Variants in PCSK6 observed in about 807,000 individuals in gnomAD.
PCSK6 encodes paired basic amino acid cleaving enzyme 4.
Under a neutral mutation model 123.3 loss-of-function variants are expected in PCSK6, and 85 were observed. That is an observed-to-expected ratio of 0.69 (90% CI 0.58 to 0.83). PCSK6 has a LOEUF of 0.83. Ranked by LOEUF, PCSK6 falls within the 40% of genes least tolerant of loss-of-function variation. PCSK6 has a pLI of 0.00. For missense variants in PCSK6, 1,191 were observed against 1,282.3 expected (o/e 0.93, Z 1.09); for synonymous variants, 508 against 516.0 (o/e 0.98, Z 0.21).
At chr15:101,358,265 G>A (rs1426663886) in intron 13 of PCSK6, among the ~76,000 whole-genome samples, 2 of 152,154 alleles carry the variant, frequency 1.3e-5, no homozygotes, top group African/African-American at 2.4e-5. Context: ...TGGGGCAGTC[G>A]CCATCTCCTA....
Position 101,429,951 on chromosome 15 carries a change from G to A in PCSK6, c.734+36C>T, listed in dbSNP as rs745440088. The A allele has an allele frequency of 1.0e-5, 16 of 1,535,266 alleles. No individual in the cohort carries two copies. In the South Asian group the frequency reaches 1.8e-4, roughly 17 times the overall value. On this transcript the variant is annotated intron_variant, in intron 5 of 21. Transcript: ENST00000611716. Reference sequence around the variant, plus strand: ...TTCAATAGTGACGCTGCAGGGAGGGGAAGAGAAGCCGGGGAGATGAGGCGA... The same window carrying A: ...TTCAATAGTGACGCTGCAGGGAGGGAAAGAGAAGCCGGGGAGATGAGGCGA...
chr15:101,427,940 T>G lies in PCSK6; in HGVS notation c.775A>C (p.Asn259His). Reference protein sequence around the residue: ...RCAGEVAASANNSYCIVGIAY... With the variant: ...RCAGEVAASAHNSYCIVGIAY... ...ATGCCCACGATGCAGTAGGAATTGT[T>G]TGCTGAAGCAGCAACTTCTCCCGCA... Residue 259 changes from asparagine to histidine, a missense_variant, in exon 6 of 22, where the codon AAC becomes CAC. Physicochemically the swap from Asn to His is moderately conservative, Grantham distance 68. Coordinates refer to ENST00000611716, the MANE Select transcript of PCSK6 (RefSeq NM_002570.5). 1 of 1,588,980 alleles carries G rather than the reference T, an allele frequency of 6.3e-7. No homozygotes were observed. Among genetic ancestry groups the G allele is most frequent in the Middle Eastern group, 1.7e-4 (1 of 6,040 alleles).
chr15:101,399,396 C>T lies in PCSK6; in HGVS notation c.824-820G>A, dbSNP rs138297888. ...TGGAGGGGACTGGGGTCTTGGACTTCGCTGGCCAGCTCATCTCCATTTGGG... is the reference window on the plus strand; with the variant it reads ...TGGAGGGGACTGGGGTCTTGGACTTTGCTGGCCAGCTCATCTCCATTTGGG... On this transcript the variant is annotated intron_variant, in intron 6 of 21. Coordinates refer to ENST00000611716, the MANE Select transcript of PCSK6 (RefSeq NM_002570.5). Among the ~76,000 whole-genome samples the T allele has an allele frequency of 2.8e-3, 420 of 152,306 alleles. 4 individuals are homozygous for T. Among genetic ancestry groups the T allele is most frequent in the African/African-American group, 9.8e-3 (409 of 41,570 alleles).
chr15:101,416,791 CT>C (rs2055903193), intron 6 of PCSK6, among the ~76,000 whole-genome samples: 1 of 152,242 alleles, frequency 6.6e-6, no homozygotes, highest in Admixed American at 6.5e-5. Flanking sequence ...GCAACTTCCA[CT>C]TGTGTGTTGA....
chr15:101,305,185 G>T lies in PCSK6; in HGVS notation c.*73C>A. The T allele has an allele frequency of 7.8e-7, 1 of 1,286,090 alleles. No individual in the cohort carries two copies. The highest frequency in any genetic ancestry group is 1.1e-6 in the Non-Finnish European group (1 of 912,386). The allele number at this position is 1,286,090 out of a possible 1,614,324, so 79.7% of individuals were successfully genotyped here. On this transcript the variant is annotated 3_prime_UTR_variant, in exon 22 of 22. Transcript: ENST00000611716. This position sits in a 1 kb window ranked among gnomAD's most constrained non-coding sequence, Gnocchi z 4.8. ...GGGCGCCGCTCCTGAAACAGACTCT[G>T]GCCGACAGTCTGGAGGAAGGTGGAC... is the stretch of plus-strand genomic sequence containing the variant.
At chr15:101,318,211 T>C (rs1045515344) in intron 19 of PCSK6, 108 bp downstream of exon 19, 2 of 761,492 alleles carry the variant, frequency 2.6e-6, no homozygotes, top group Non-Finnish European at 4.4e-6. Flanking sequence ...ATTTTAATGC[T>C]GCAATAAATG....
At chr15:101,363,060 G>A (rs1380049169) in intron 13 of PCSK6, among the ~76,000 whole-genome samples, 1 of 152,220 alleles carries the variant, frequency 6.6e-6, no homozygotes, top group East Asian at 1.9e-4. Context: ...TGCCGGCTTT[G>A]CCATAAAGGG....
chr15:101,435,942 A>C (rs1373826699), intron 2 of PCSK6, among the ~76,000 whole-genome samples: 1 of 152,204 alleles, frequency 6.6e-6, no homozygotes, highest in Non-Finnish European at 1.5e-5. Context: ...AGCCATGGGC[A>C]GCCTTGGCCC....
At chr15:101,364,664 CTAAA>C (rs1231484239) in intron 13 of PCSK6, among the ~76,000 whole-genome samples, 1 of 152,144 alleles carries the variant, frequency 6.6e-6, no homozygotes, top group Non-Finnish European at 1.5e-5. Flanking sequence ...TAAAGAAGAG[CTAAA>C]TAAACAGAAA....
intron 20 of PCSK6, chr15:101,307,780 G>A: frequency 5.9e-6 from 1 of 170,886 alleles, no homozygotes; most frequent in Non-Finnish European, 1.3e-5. Flanking sequence ...GAGCTGACCA[G>A]AAGGCTGCTG....
rs962816547 is a variant in PCSK6 at position 101,304,366 on chromosome 15, A to G, written c.*892T>C. The G allele has an allele frequency of 1.3e-5, 2 of 152,432 alleles. No homozygotes were observed. The highest frequency in any genetic ancestry group is 1.3e-4 in the Admixed American group (2 of 15,280). The allele number at this position is 152,432 out of a possible 1,614,324, so 9.4% of individuals were successfully genotyped here. A position where few individuals can be genotyped will look rare whatever the true frequency, so the allele number is the denominator to read the frequency against. On this transcript the variant is annotated 3_prime_UTR_variant, in exon 22 of 22. Transcript: ENST00000611716. ...AGGGCAGAGGCCAAATGTATTTTAA[A>G]AGCAATTCCATAAAATGGGAAGTGA...
At chr15:101,380,257 C>A (rs1448933135) in intron 11 of PCSK6, among the ~76,000 whole-genome samples, 1 of 152,218 alleles carries the variant, frequency 6.6e-6, no homozygotes, top group Non-Finnish European at 1.5e-5. Context: ...CAACCACTCG[C>A]CACCTAGGCA....
intron 1 of PCSK6, among the ~76,000 whole-genome samples, chr15:101,483,964 T>G (rs530593935): frequency 8.5e-5 from 13 of 152,336 alleles, no homozygotes; most frequent in African/African-American, 2.6e-4. Flanking sequence ...ACCATGTGCA[T>G]CTCCCTTTTC....
At chr15:101,349,439 C>T (rs980675049) in intron 13 of PCSK6, among the ~76,000 whole-genome samples, 11 of 152,220 alleles carry the variant, frequency 7.2e-5, no homozygotes, top group Admixed American at 3.3e-4. Context: ...TCAGTGAATT[C>T]CAAATTCCTG....
At chr15:101,473,886 G>GTAAA (rs1555464825) in intron 1 of PCSK6, among the ~76,000 whole-genome samples, 1 of 151,826 alleles carries the variant, frequency 6.6e-6, no homozygotes, top group African/African-American at 2.4e-5. Flanking sequence ...AAATAAATAA[G>GTAAA]TAAATAAATA....
chr15:101,325,559 A>G (rs2040234556), intron 16 of PCSK6, among the ~76,000 whole-genome samples: 1 of 152,188 alleles, frequency 6.6e-6, no homozygotes, highest in African/African-American at 2.4e-5. Context: ...TGGTGGGTGC[A>G]TCTGTCACCC....
At chr15:101,405,536 A>G (rs2042746975) in intron 6 of PCSK6, among the ~76,000 whole-genome samples, 1 of 152,186 alleles carries the variant, frequency 6.6e-6, no homozygotes, top group African/African-American at 2.4e-5. Context: ...AGCTGCCCAC[A>G]GAAGCTCCAT....
chr15:101,314,588 G>A (rs1334732147), intron 19 of PCSK6, among the ~76,000 whole-genome samples: 1 of 152,206 alleles, frequency 6.6e-6, no homozygotes, highest in African/African-American at 2.4e-5. Flanking sequence ...GAGCCTGGAG[G>A]GCTCAAGCAC....
At chr15:101,343,175 T>C (rs964192975) in intron 13 of PCSK6, among the ~76,000 whole-genome samples, 1 of 151,656 alleles carries the variant, frequency 6.6e-6, no homozygotes, top group Admixed American at 6.6e-5. Flanking sequence ...AGAATTCCTT[T>C]GTCACATAAT....
Sources: allele counts gnomAD v4.1 joint callset (sites outside exome capture counted in the v4.1 genomes callset), GRCh38; gene constraint gnomAD v4.1.1; non-coding constraint Gnocchi (gnomAD v3.1); transcripts MANE v1.5; gene names NCBI Gene and HGNC (gene_info 2026-07-23, HGNC 2026-07-21).